GRM3: variants seen among roughly 807,000 people sequenced by gnomAD.
GRM3 encodes the protein metabotropic glutamate receptor 3.
In GRM3, 26 loss-of-function variants were observed where a neutral mutation model predicts 70.5. The ratio of observed to expected loss-of-function variants is 0.37; its 90% CI spans 0.27 to 0.51. The LOEUF is 0.51. GRM3 is among the 20% of genes least tolerant of loss of function. The pLI, the probability that GRM3 is intolerant of heterozygous loss-of-function variation, is 0.93. For synonymous variants in GRM3, 443 were observed against 434.9 expected (o/e 1.02, Z -0.23); for missense variants, 859 against 1,123.8 (o/e 0.76, Z 3.37).
rs1407461860 is a variant in GRM3 at position 86,644,647 on chromosome 7, AG to A, written c.-361del. On this transcript the variant is annotated 5_prime_UTR_variant, in exon 1 of 6. An upstream open reading frame in the 5' UTR gains an earlier in-frame stop. Transcript: ENST00000361669. Reference sequence around the variant, plus strand: ...GGCAGTGGTCCAGCGTGCAGCCGGGAGGGGGCAGGGGCAGGGGGCACTGTGA... The same window carrying A: ...GGCAGTGGTCCAGCGTGCAGCCGGGAGGGGCAGGGGCAGGGGGCACTGTGA... The A allele has an allele frequency of 4.0e-6, 2 of 501,638 alleles. No individual in the cohort carries two copies. Among genetic ancestry groups the A allele is most frequent in the African/African-American group, 2.0e-5 (1 of 50,982 alleles). 31.1% of individuals were successfully genotyped at this position (501,638 alleles called of 1,614,324 possible). A position where few individuals can be genotyped will look rare whatever the true frequency, so the allele number is the denominator to read the frequency against.
chr7:86,676,156 A>G (rs1794301363), intron 1 of GRM3, among the ~76,000 whole-genome samples: 1 of 151,976 alleles, frequency 6.6e-6, no homozygotes, highest in African/African-American at 2.4e-5. Context: ...GAATTTCATC[A>G]ATATGTTTAT....
intron 2 of GRM3, among the ~76,000 whole-genome samples, chr7:86,772,178 A>G (rs1344254970): frequency 6.6e-6 from 1 of 152,136 alleles, no homozygotes; most frequent in Non-Finnish European, 1.5e-5. Flanking sequence ...TCAACCAGGT[A>G]GAGAGTAAGT....
intron 5 of GRM3, among the ~76,000 whole-genome samples, chr7:86,857,879 C>A (rs560462488): frequency 7.8e-4 from 118 of 152,022 alleles, no homozygotes; most frequent in Admixed American, 1.4e-3. Context: ...TATTGGGCAT[C>A]CCTCTTTATA....
chr7:86,647,838 A>G (rs1793512822), intron 1 of GRM3, among the ~76,000 whole-genome samples: 1 of 152,156 alleles, frequency 6.6e-6, no homozygotes, highest in African/African-American at 2.4e-5. Context: ...AGCCTACTGT[A>G]TTTTGGAGTA....
At chr7:86,740,425 A>G (rs1200094427) in intron 1 of GRM3, among the ~76,000 whole-genome samples, 2 of 152,202 alleles carry the variant, frequency 1.3e-5, no homozygotes, top group Admixed American at 1.3e-4. Flanking sequence ...TTCAAAAAAA[A>G]GGCAACCAAG....
Position 86,727,887 on chromosome 7 carries a change from A to G in GRM3, c.-140-37119A>G, listed in dbSNP as rs184241376. 2.9e-3 allele frequency among the ~76,000 whole-genome samples: 437 copies of G among 152,280 alleles called. 1 individual carries two copies. Among genetic ancestry groups the G allele is most frequent in the Non-Finnish European group, 4.8e-3 (324 of 68,010 alleles). ...GTGTGTTTTCAATGACAGCTTTCAT[A>G]CTACTAGGTCAGAGTTGAGTAGTTG... On this transcript the variant is annotated intron_variant, in intron 1 of 5. Coordinates refer to ENST00000361669, the MANE Select transcript of GRM3 (RefSeq NM_000840.3).
At chr7:86,701,542 G>C (rs2116099643) in intron 1 of GRM3, among the ~76,000 whole-genome samples, 1 of 151,808 alleles carries the variant, frequency 6.6e-6, no homozygotes, top group South Asian at 2.1e-4. Flanking sequence ...TATTTCCTTT[G>C]TTTTAAACTA....
chr7:86,836,820 C>T (rs1798466201), intron 3 of GRM3, among the ~76,000 whole-genome samples: 1 of 152,152 alleles, frequency 6.6e-6, no homozygotes, highest in South Asian at 2.1e-4. Context: ...AACTCTTATT[C>T]CCAATTTGCA....
At chr7:86,729,672 G>T (rs1422494008) in intron 1 of GRM3, among the ~76,000 whole-genome samples, 1 of 152,128 alleles carries the variant, frequency 6.6e-6, no homozygotes, top group Admixed American at 6.5e-5. Context: ...GGATCTGAGT[G>T]AATTATTTGT....
At chr7:86,681,230 CA>C (rs1288601618) in intron 1 of GRM3, among the ~76,000 whole-genome samples, 1 of 152,046 alleles carries the variant, frequency 6.6e-6, no homozygotes, top group African/African-American at 2.4e-5. Flanking sequence ...AGAGCTGTAA[CA>C]AAACTGATAC....
intron 1 of GRM3, among the ~76,000 whole-genome samples, chr7:86,715,207 C>G (rs754443462): frequency 3.3e-5 from 5 of 151,982 alleles, no homozygotes; most frequent in Non-Finnish European, 5.9e-5. Flanking sequence ...TGCAAAATGA[C>G]TGTTGTTAAA....
At chr7:86,796,741 A>C (rs1177516974) in intron 3 of GRM3, among the ~76,000 whole-genome samples, 1 of 152,118 alleles carries the variant, frequency 6.6e-6, no homozygotes, top group Non-Finnish European at 1.5e-5. Flanking sequence ...TTCCTTGAGC[A>C]GTGGTTTGTA....
intron 5 of GRM3, among the ~76,000 whole-genome samples, chr7:86,857,901 AAGG>A (rs1798879912): frequency 6.6e-6 from 1 of 151,842 alleles, no homozygotes; most frequent in Admixed American, 6.6e-5. Context: ...TTTTTGAGGG[AAGG>A]AGAAGAGAGT....
At position 86,702,484 on chromosome 7, in the gene GRM3, A is replaced by T. The variant is rs988531760; in HGVS notation, c.-141+57612A>T. On this transcript the variant is annotated intron_variant, in intron 1 of 5. Transcript: ENST00000361669. ...GGGTTATCACATTTTCAAGAATCTA[A>T]GATTCTAAAGTAGTGCTTCAAAGAG... Among the ~76,000 whole-genome samples, 3 of 152,032 alleles carry T rather than the reference A, an allele frequency of 2.0e-5. No individual in the cohort carries two copies. The East Asian group carries it at 5.8e-4, about 29-fold the overall frequency.
intron 2 of GRM3, chr7:86,784,253 C>T (rs959059912): frequency 6.6e-6 from 1 of 152,124 alleles, no homozygotes; most frequent in Non-Finnish European, 1.5e-5. Flanking sequence ...ACTCCTACCC[C>T]TATGGGAGAG....
chr7:86,677,643 C>T (rs1052674457), intron 1 of GRM3, among the ~76,000 whole-genome samples: 4 of 151,814 alleles, frequency 2.6e-5, no homozygotes, highest in African/African-American at 9.7e-5. Flanking sequence ...TTCAGTCTGG[C>T]TAAGAAGGAA....
chr7:86,776,932 T>C (rs572758765), intron 2 of GRM3, among the ~76,000 whole-genome samples: 3 of 152,124 alleles, frequency 2.0e-5, no homozygotes, highest in South Asian at 2.1e-4. Context: ...TGATTTCTCC[T>C]GAAAACTAAT....
At chr7:86,755,734 A>T (rs1402642352) in intron 1 of GRM3, among the ~76,000 whole-genome samples, 1 of 152,130 alleles carries the variant, frequency 6.6e-6, no homozygotes, top group South Asian at 2.1e-4. Flanking sequence ...AATTATGGGG[A>T]TGGCTCTTTT....
chr7:86,733,215 G>A (rs368910105), intron 1 of GRM3, among the ~76,000 whole-genome samples: 1 of 151,772 alleles, frequency 6.6e-6, no homozygotes, highest in Non-Finnish European at 1.5e-5. Context: ...TTGGGAGGCT[G>A]AGGTAGGAAA....
Sources: allele counts gnomAD v4.1 joint callset (sites outside exome capture counted in the v4.1 genomes callset), GRCh38; gene constraint gnomAD v4.1.1; transcripts MANE v1.5; gene names NCBI Gene and HGNC (gene_info 2026-07-23, HGNC 2026-07-21).